The following IGF1R variants were observed in gnomAD, a reference collection of about 807,000 sequenced individuals.
IGF1R encodes insulin like growth factor 1 receptor.
In IGF1R, 44 loss-of-function variants were observed where a neutral mutation model predicts 144.6. The ratio of observed to expected loss-of-function variants is 0.30; its 90% CI spans 0.24 to 0.39. IGF1R has a LOEUF of 0.39. Ranked by LOEUF, IGF1R falls within the 10% of genes least tolerant of loss-of-function variation. IGF1R has a pLI of 1.00. For synonymous variants in IGF1R, 795 were observed against 722.8 expected (o/e 1.10, Z -1.60); for missense variants, 1,355 against 1,833.7 (o/e 0.74, Z 4.77).
rs970746690 is a variant in IGF1R, at chr15:98,650,949, AGGTGGG to A, written c.94+1278_94+1283del. On this transcript the variant is annotated intron_variant, in intron 1 of 20. Coordinates refer to ENST00000650285, the MANE Select transcript of IGF1R (RefSeq NM_000875.5). ...TCCCCCCGGTGTCTACGGCCGGAGG[AGGTGGG>A]GGTTTTATTCTTCTGAAAAAGTTGA... is the stretch of plus-strand genomic sequence containing the variant. 3.0e-6 allele frequency: 3 copies of A among 984,772 alleles called. No homozygotes were observed. In the African/African-American group the frequency reaches 5.3e-5, roughly 17 times the overall value. 61.0% of individuals were successfully genotyped at this position (984,772 alleles called of 1,614,324 possible). A position where few individuals can be genotyped will look rare whatever the true frequency, so the allele number is the denominator to read the frequency against.
chr15:98,715,648 T>TG (rs1781644290), intron 2 of IGF1R, among the ~76,000 whole-genome samples: 2 of 152,166 alleles, frequency 1.3e-5, no homozygotes, highest in African/African-American at 2.4e-5. Context: ...TTGCTCAACT[T>TG]GCGTGTATAG....
intron 2 of IGF1R, among the ~76,000 whole-genome samples, chr15:98,811,740 C>A (rs927592564): frequency 6.6e-6 from 1 of 151,930 alleles, no homozygotes; most frequent in Non-Finnish European, 1.5e-5. Context: ...TCCTGGCTAA[C>A]ACGGTGAAAC....
At chr15:98,821,319 C>G (rs2056798471) in intron 2 of IGF1R, among the ~76,000 whole-genome samples, 1 of 150,780 alleles carries the variant, frequency 6.6e-6, no homozygotes, top group Admixed American at 6.6e-5. Flanking sequence ...TACCATCACT[C>G]TCTCTAGCCC....
intron 1 of IGF1R, among the ~76,000 whole-genome samples, chr15:98,675,932 T>G (rs2053030466): frequency 1.3e-5 from 2 of 150,574 alleles, no homozygotes; most frequent in South Asian, 4.2e-4. Flanking sequence ...TCCAAGTGAT[T>G]CTACTGCCTC....
intron 18 of IGF1R, among the ~76,000 whole-genome samples, chr15:98,941,071 A>AG (rs1343094602): frequency 1.3e-5 from 2 of 152,176 alleles, no homozygotes; most frequent in East Asian, 1.9e-4. Context: ...TTCCCAGTGC[A>AG]GGGGGGAGCC....
chr15:98,676,703 G>C (rs2053055818), intron 1 of IGF1R, among the ~76,000 whole-genome samples: 1 of 152,146 alleles, frequency 6.6e-6, no homozygotes, highest in Non-Finnish European at 1.5e-5. Flanking sequence ...TAATAAATCA[G>C]TTTGGGAGAA....
At chr15:98,749,836 GC>G (rs1409679629) in intron 2 of IGF1R, among the ~76,000 whole-genome samples, 2 of 151,028 alleles carry the variant, frequency 1.3e-5, no homozygotes, top group African/African-American at 4.9e-5. Flanking sequence ...CGTTCATGGT[GC>G]CACCTGAAAA....
chr15:98,864,495 T>C (rs968566138), intron 2 of IGF1R, among the ~76,000 whole-genome samples: 1 of 152,224 alleles, frequency 6.6e-6, no homozygotes, highest in African/African-American at 2.4e-5. Flanking sequence ...TTTAAGTTAA[T>C]GCTCCCACCT....
chr15:98,822,603 T>C (rs952250419), intron 2 of IGF1R, among the ~76,000 whole-genome samples: 1 of 152,240 alleles, frequency 6.6e-6, no homozygotes, highest in Non-Finnish European at 1.5e-5. Context: ...ATTCATTCGC[T>C]CATCCATTAA....
chr15:98,913,273 A>C lies in IGF1R; in HGVS notation c.1819A>C (p.Asn607His), dbSNP rs1481942421. ...GAGTGAGATCTTGTACATTCGCACCAATGCTTCAGGTATCCATGCCTAGAC... is the reference window on the plus strand; with the variant it reads ...GAGTGAGATCTTGTACATTCGCACCCATGCTTCAGGTATCCATGCCTAGAC... ...AKSEILYIRT[N>H]ASVPSIPLDV... Residue 607 changes from asparagine (N) to histidine (H), a missense_variant, in exon 8 of 21, where the codon AAT becomes CAT. By Grantham distance (68) the Asn-to-His change is moderately conservative. Around this residue, in one of 7 missense-constraint regions of IGF1R, gnomAD observed 880 missense variants for 1,202.7 expected, o/e 0.73. Transcript: ENST00000650285. The C allele has an allele frequency of 1.2e-6, 2 of 1,613,216 alleles. No individual in the cohort carries two copies. The highest frequency in any genetic ancestry group is 1.7e-6 in the Non-Finnish European group (2 of 1,179,188).
intron 4 of IGF1R, among the ~76,000 whole-genome samples, chr15:98,897,107 A>G (rs1307613765): frequency 2.0e-5 from 3 of 152,172 alleles, no homozygotes; most frequent in Non-Finnish European, 2.9e-5. Flanking sequence ...TCTTTTAGCC[A>G]TTGGCACGTC....
At chr15:98,749,679 A>G (rs1036039957) in intron 2 of IGF1R, among the ~76,000 whole-genome samples, 4 of 152,224 alleles carry the variant, frequency 2.6e-5, no homozygotes, top group African/African-American at 4.8e-5. Context: ...GTCAGTAACA[A>G]TTATGCCTTA....
chr15:98,657,584 G>C (rs2052515294), intron 1 of IGF1R, among the ~76,000 whole-genome samples: 1 of 152,226 alleles, frequency 6.6e-6, no homozygotes, highest in Admixed American at 6.5e-5. Flanking sequence ...AGCAGAGGGA[G>C]ATCTGCTGTG....
chr15:98,682,614 C>A (rs1047536892), intron 1 of IGF1R, among the ~76,000 whole-genome samples: 1 of 152,022 alleles, frequency 6.6e-6, no homozygotes, highest in Non-Finnish European at 1.5e-5. Flanking sequence ...GTGGCCTGAT[C>A]TCGGCTCACT....
intron 2 of IGF1R, among the ~76,000 whole-genome samples, chr15:98,728,446 A>T (rs1401642181): frequency 1.3e-5 from 2 of 152,122 alleles, no homozygotes; most frequent in African/African-American, 4.8e-5. Context: ...TCTTCACATC[A>T]CCTCCCAGCA....
In IGF1R at chr15:98,935,345, C is replaced by T; in HGVS notation, c.3216C>T (p.Gly1072=). The T allele has an allele frequency of 6.4e-7, 1 of 1,551,180 alleles. No individual in the cohort carries two copies. The highest frequency in any genetic ancestry group is 2.4e-5 in the East Asian group (1 of 40,894). ...GATTGCTGGGTGTGGTGTCCCAAGGCCAGCCAACACTGGTCATCATGGAAC... is the reference window on the plus strand; with the variant it reads ...GATTGCTGGGTGTGGTGTCCCAAGGTCAGCCAACACTGGTCATCATGGAAC... The part of the protein sequence containing the change: ...VVRLLGVVSQ[G]QPTLVIMELM... Residue 1072 remains glycine, a synonymous_variant, in exon 17 of 21, where the codon GGC becomes GGT. Transcript: ENST00000650285. The surrounding 1 kb of genome is among the most constrained non-coding windows in gnomAD (Gnocchi z 4.2).
chr15:98,683,719 A>G (rs2053249232), intron 1 of IGF1R, among the ~76,000 whole-genome samples: 1 of 152,156 alleles, frequency 6.6e-6, no homozygotes, highest in Admixed American at 6.5e-5. Context: ...GGCAAGGTTT[A>G]TTGTTTAAAG....
chr15:98,656,281 G>C (rs990077691), intron 1 of IGF1R, among the ~76,000 whole-genome samples: 1 of 152,144 alleles, frequency 6.6e-6, no homozygotes, highest in African/African-American at 2.4e-5. Context: ...TGGGCACAGC[G>C]GCTCCTGCCT....
At chr15:98,694,170 A>G (rs1040993540) in intron 1 of IGF1R, among the ~76,000 whole-genome samples, 8 of 152,244 alleles carry the variant, frequency 5.3e-5, no homozygotes, top group African/African-American at 1.9e-4. Flanking sequence ...TCGTGTCTAC[A>G]TGATGTAACA....
Sources: gnomAD v4.1 joint callset for allele counts (sites outside exome capture counted in the v4.1 genomes callset) on GRCh38, gnomAD v4.1.1 for gene constraint, gnomAD v4.1.1 regional missense constraint, Gnocchi (gnomAD v3.1) non-coding constraint, MANE v1.5 for transcripts, NCBI Gene and HGNC (gene_info 2026-07-23, HGNC 2026-07-21) for gene names.